The following RIMS2 variants were observed in gnomAD, a reference collection of about 807,000 sequenced individuals.
RIMS2 encodes the protein regulating synaptic membrane exocytosis 2, also known as regulating synaptic membrane exocytosis protein 2.
In RIMS2, 59 loss-of-function variants were observed where a neutral mutation model predicts 174.4. The ratio of observed to expected loss-of-function variants is 0.34; its 90% CI spans 0.27 to 0.42. The LOEUF (loss-of-function observed/expected upper bound fraction) is 0.42. RIMS2 is among the 10% of genes least tolerant of loss of function. The probability of loss-of-function intolerance (pLI) is 1.00; values close to 1 mark genes in which losing one functional copy is unlikely to be tolerated. For synonymous variants in RIMS2, 606 were observed against 572.5 expected (o/e 1.06, Z -0.84); for missense variants, 1,620 against 1,666.3 (o/e 0.97, Z 0.48).
intron 1 of RIMS2, among the ~76,000 whole-genome samples, chr8:103,544,186 C>T (rs1843842053): frequency 1.3e-5 from 2 of 152,136 alleles, no homozygotes; most frequent in African/African-American, 4.8e-5. Flanking sequence ...CTTTTCTGTT[C>T]AGCAGTTAGT....
intron 6 of RIMS2, among the ~76,000 whole-genome samples, chr8:103,913,429 G>C (rs1167259273): frequency 3.3e-5 from 5 of 151,942 alleles, no homozygotes; most frequent in Admixed American, 2.0e-4. Flanking sequence ...GTGAGACTCT[G>C]TCTCTCTCTA....
chr8:103,994,489 T>C (rs2094941386), intron 17 of RIMS2, among the ~76,000 whole-genome samples: 2 of 152,234 alleles, frequency 1.3e-5, no homozygotes, highest in African/African-American at 2.4e-5. Flanking sequence ...CTTTATTTGT[T>C]TAGTCATTAT....
intron 19 of RIMS2, among the ~76,000 whole-genome samples, chr8:104,142,221 G>T (rs998475137): frequency 6.7e-6 from 1 of 149,284 alleles, no homozygotes; most frequent in South Asian, 2.2e-4. Context: ...TCCGCCTCCC[G>T]GGTTCAAGCG....
intron 19 of RIMS2, among the ~76,000 whole-genome samples, chr8:104,212,401 C>T (rs2511556): frequency 0.16 from 24,143 of 151,888 alleles, 2,470 homozygotes; most frequent in Non-Finnish European, 0.23. Context: ...AGAAAACTTA[C>T]AAGAATGTAA....
chr8:103,693,372 C>CT (rs1394758505), intron 1 of RIMS2, among the ~76,000 whole-genome samples: 1 of 152,126 alleles, frequency 6.6e-6, no homozygotes, highest in Non-Finnish European at 1.5e-5. Flanking sequence ...ATCTTTGGTC[C>CT]TTATGACCGT....
rs552300250 is a variant in RIMS2 at position 103,918,647 on chromosome 8, C to T, written c.2083+160C>T. 5.1e-6 allele frequency: 3 copies of T among 590,622 alleles called. No individual in the cohort carries two copies. The South Asian group carries it at 7.3e-5, about 14-fold the overall frequency. 36.6% of individuals were successfully genotyped at this position (590,622 alleles called of 1,614,324 possible). ...GAAAATTTAGTATTATTTCATGTCA[C>T]TGTGGGAAAAACAAAAATGTAGAAT... is the stretch of plus-strand genomic sequence containing the variant. On this transcript the variant is annotated intron_variant, in intron 9 of 23. Transcript: ENST00000504942.
chr8:103,819,570 T>G (rs1156775862), intron 3 of RIMS2: 1 of 1,613,666 alleles, frequency 6.2e-7, no homozygotes, highest in Non-Finnish European at 8.5e-7. Context: ...ATGGGGTTTT[T>G]TCATCCCCAC....
At chr8:103,769,021 C>A in intron 3 of RIMS2, 1 of 305,964 alleles carries the variant, frequency 3.3e-6, no homozygotes, top group Admixed American at 3.6e-5. Context: ...TGAATCCAGT[C>A]AGAAATAAGA....
intron 3 of RIMS2, among the ~76,000 whole-genome samples, chr8:103,821,484 T>C (rs141766343): frequency 6.6e-6 from 1 of 151,880 alleles, no homozygotes; most frequent in Admixed American, 6.6e-5. Flanking sequence ...CATTTGCCCT[T>C]ATACCACAAA....
At chr8:103,849,774 A>T (rs1309646944) in intron 3 of RIMS2, among the ~76,000 whole-genome samples, 1 of 152,020 alleles carries the variant, frequency 6.6e-6, no homozygotes, top group Non-Finnish European at 1.5e-5. Context: ...GGGTATCTGT[A>T]AAGGACATTA....
chr8:103,971,976 T>C (rs1215702206), intron 15 of RIMS2, among the ~76,000 whole-genome samples: 1 of 152,198 alleles, frequency 6.6e-6, no homozygotes, highest in African/African-American at 2.4e-5. Context: ...TACTGATTCA[T>C]GTTGGCATGG....
intron 1 of RIMS2, among the ~76,000 whole-genome samples, chr8:103,679,947 A>G (rs1162572996): frequency 6.6e-6 from 1 of 151,978 alleles, no homozygotes; most frequent in African/African-American, 2.4e-5. Context: ...TCATGTTTTC[A>G]TATTATTAGT....
chr8:104,047,123 C>A (rs545880219), intron 19 of RIMS2, among the ~76,000 whole-genome samples: 103 of 152,034 alleles, frequency 6.8e-4, no homozygotes, highest in Non-Finnish European at 1.2e-3. Context: ...GATGCCCCAA[C>A]ATGGAACAAA....
intron 3 of RIMS2, among the ~76,000 whole-genome samples, chr8:103,834,742 T>TTCTTTCTTTC (rs1406395709): frequency 9.1e-6 from 1 of 109,528 alleles, no homozygotes; most frequent in Non-Finnish European, 1.8e-5. Context: ...CTTTCTTTCT[T>TTCTTTCTTTC]TCTCTCTCTT....
chr8:103,938,354 G>A (rs1347713940), intron 13 of RIMS2, among the ~76,000 whole-genome samples: 1 of 152,016 alleles, frequency 6.6e-6, no homozygotes, highest in Non-Finnish European at 1.5e-5. Context: ...GGCAGGCAAA[G>A]AGAGAGAGAG....
At chr8:103,969,245 G>A (rs1464399377) in intron 15 of RIMS2, among the ~76,000 whole-genome samples, 1 of 151,818 alleles carries the variant, frequency 6.6e-6, no homozygotes, top group Non-Finnish European at 1.5e-5. Flanking sequence ...CATTAGTTTG[G>A]GGAAATTTTC....
chr8:103,546,807 C>T (rs2131426900), intron 1 of RIMS2, among the ~76,000 whole-genome samples: 1 of 152,330 alleles, frequency 6.6e-6, no homozygotes, highest in South Asian at 2.1e-4. Context: ...CTCCCAGCCC[C>T]ACGAAGCAGT....
intron 19 of RIMS2, among the ~76,000 whole-genome samples, chr8:104,210,105 T>C (rs769242028): frequency 6.6e-6 from 1 of 152,132 alleles, no homozygotes; most frequent in Non-Finnish European, 1.5e-5. Flanking sequence ...CCAAATGACC[T>C]GCAAATTTTT....
chr8:103,660,226 G>A (rs2096581736), intron 1 of RIMS2, among the ~76,000 whole-genome samples: 1 of 152,180 alleles, frequency 6.6e-6, no homozygotes, highest in African/African-American at 2.4e-5. Context: ...GCATATCATG[G>A]CTCTGCAACC....
Sources: allele counts gnomAD v4.1 joint callset (sites outside exome capture counted in the v4.1 genomes callset), GRCh38; gene constraint gnomAD v4.1.1; transcripts MANE v1.5; gene names NCBI Gene and HGNC (gene_info 2026-07-23, HGNC 2026-07-21).